GPSM1: variants seen among roughly 807,000 people sequenced by gnomAD.
GPSM1 encodes G protein-signaling modulator 1.
GPSM1 carries 48 observed loss-of-function variants against 70.5 expected under a neutral mutation model. The ratio of observed to expected loss-of-function variants is 0.68; its 90% CI spans 0.54 to 0.87. The LOEUF is 0.87. Among genes scored for constraint, GPSM1 ranks in the 40% least tolerant of loss-of-function variants. GPSM1 has a pLI of 0.00. For missense variants in GPSM1, 981 were observed against 972.6 expected, an observed-to-expected ratio of 1.01 and a Z score of -0.11; for synonymous variants, 416 against 430.1, an observed-to-expected ratio of 0.97 and a Z score of 0.41.
chr9:136,336,094 G>C lies in GPSM1; in HGVS notation c.419G>C (p.Gly140Ala). Residue 140 changes from glycine (G) to alanine (A), a missense_variant, in exon 3 of 14, where the codon GGA becomes GCA. Coordinates refer to ENST00000440944, the MANE Select transcript of GPSM1 (RefSeq NM_001145638.3). ...CATCTGAGCATCGCCCAAGAGCAGG[G>C]AGACAAGGTGGGGGCTTGGTCCGGG... is the stretch of plus-strand genomic sequence containing the variant. Reference protein sequence around the residue: ...QRHLSIAQEQGDKVGEARALY... With the variant: ...QRHLSIAQEQADKVGEARALY... 1 of 1,610,950 alleles carries C rather than the reference G, an allele frequency of 6.2e-7. No homozygotes were observed. Among genetic ancestry groups the C allele is most frequent in the Non-Finnish European group, 8.5e-7 (1 of 1,179,798 alleles).
At chr9:136,357,396 G>C (rs1832860541) in intron 13 of GPSM1, among the ~76,000 whole-genome samples, 1 of 152,218 alleles carries the variant, frequency 6.6e-6, no homozygotes, top group Non-Finnish European at 1.5e-5. Flanking sequence ...CCCCACCCAA[G>C]AGGCCCAGAG....
At chr9:136,331,364 G>C (rs1450014030) in intron 1 of GPSM1, among the ~76,000 whole-genome samples, 1 of 126,676 alleles carries the variant, frequency 7.9e-6, no homozygotes, top group South Asian at 2.6e-4. Context: ...AGGACTCTGA[G>C]CCCCCCCCCC....
In GPSM1 at chr9:136,337,028, G is replaced by A. The variant is rs540210417; in HGVS notation, c.534G>A (p.Pro178=). ...CCACGCAGGACCCCGGGCACCTGCC[G>A]CCCGATGTCCGAGAGACCCTGTGCA... ...ANATQDPGHL[P]PDVRETLCKA... Residue 178 remains proline (P), a synonymous_variant, in exon 4 of 14, where the codon CCG becomes CCA. Coordinates refer to ENST00000440944, the MANE Select transcript of GPSM1 (RefSeq NM_001145638.3). 19 of 1,551,752 alleles carry A rather than the reference G, an allele frequency of 1.2e-5. No individual in the cohort carries two copies. Among genetic ancestry groups the A allele is most frequent in the African/African-American group, 4.1e-5 (3 of 73,126 alleles).
intron 9 of GPSM1, among the ~76,000 whole-genome samples, chr9:136,347,423 TA>T (rs1423100922): frequency 2.6e-5 from 4 of 151,458 alleles, no homozygotes; most frequent in East Asian, 2.0e-4. Flanking sequence ...AGGGTGGGCA[TA>T]GGGGGGTGGG....
At chr9:136,328,484 C>T (rs1296642809) in intron 1 of GPSM1, among the ~76,000 whole-genome samples, 1 of 152,322 alleles carries the variant, frequency 6.6e-6, no homozygotes, top group Admixed American at 6.5e-5. Flanking sequence ...GGGTGGCAGC[C>T]GTCAGAGGCA....
chr9:136,332,541 G>C (rs782715157), intron 1 of GPSM1, among the ~76,000 whole-genome samples: 1 of 152,244 alleles, frequency 6.6e-6, no homozygotes, highest in Non-Finnish European at 1.5e-5. Flanking sequence ...CTGGAAGGAG[G>C]GGGCAGTAAA....
intron 1 of GPSM1, among the ~76,000 whole-genome samples, chr9:136,333,512 G>C (rs1192883053): frequency 6.6e-6 from 1 of 152,248 alleles, no homozygotes; most frequent in Admixed American, 6.5e-5. Flanking sequence ...GGTGGCAGCT[G>C]ACGCACAGGG....
At chr9:136,334,697 G>A in intron 2 of GPSM1, 29 bp downstream of exon 2, 1 of 1,573,488 alleles carries the variant, frequency 6.4e-7, no homozygotes, top group Non-Finnish European at 8.7e-7. Context: ...GCTGGCGGGT[G>A]AGTGGGGCGG....
At position 136,339,761 on chromosome 9, in the gene GPSM1, G is replaced by A; in HGVS notation, c.1029G>A (p.Gly343=). 1.3e-6 allele frequency: 2 copies of A among 1,550,232 alleles called. No homozygotes were observed. The highest frequency in any genetic ancestry group is 8.7e-7 in the Non-Finnish European group (1 of 1,146,734). The change falls in exon 8 of 14, where the codon GGG becomes GGA. Residue 343 remains glycine (G), a synonymous_variant. Coordinates refer to ENST00000440944, the MANE Select transcript of GPSM1 (RefSeq NM_001145638.3). The part of the protein sequence containing the change: ...WSLGNAYVSM[G]RPAQALTFAK... Reference sequence around the variant, plus strand: ...TGGGAAATGCCTACGTGTCCATGGGGCGCCCAGCGCAGGCCCTGACCTTCG... The same window carrying A: ...TGGGAAATGCCTACGTGTCCATGGGACGCCCAGCGCAGGCCCTGACCTTCG...
chr9:136,351,798 G>A (rs962349959), intron 11 of GPSM1, among the ~76,000 whole-genome samples: 10 of 152,370 alleles, frequency 6.6e-5, no homozygotes, highest in African/African-American at 1.4e-4. Context: ...CTGTGAGGAC[G>A]TGGCAGGGCC....
intron 11 of GPSM1, chr9:136,353,171 CTGGGGTCCT>C (rs1832718252): frequency 1.4e-5 from 13 of 944,402 alleles, no homozygotes; most frequent in East Asian, 1.1e-4. Flanking sequence ...TCTGGGGTCC[CTGGGGTCCT>C]AACAGGTGGA....
rs1832304137 is a variant in GPSM1, at chr9:136,338,458, G to A, written c.819-97G>A. 4 of 1,208,872 alleles carry A rather than the reference G, an allele frequency of 3.3e-6. No individual in the cohort carries two copies. The East Asian group carries it at 7.6e-5, about 23-fold the overall frequency. The allele number at this position is 1,208,872 out of a possible 1,614,324, so 74.9% of individuals were successfully genotyped here. A position where few individuals can be genotyped will look rare whatever the true frequency, so the allele number is the denominator to read the frequency against. ...CAGAGAGGCCCCAGTGGGATTCCGG[G>A]GCAGGGGACCATCGGGCAGACTGCG... On this transcript the variant is annotated intron_variant, in intron 6 of 13. Coordinates refer to ENST00000440944, the MANE Select transcript of GPSM1 (RefSeq NM_001145638.3).
At position 136,341,944 on chromosome 9, in the gene GPSM1, C is replaced by T. The variant is rs1832402113; in HGVS notation, c.1207+951C>T. On this transcript the variant is annotated intron_variant, in intron 9 of 13. Coordinates refer to ENST00000440944, the MANE Select transcript of GPSM1 (RefSeq NM_001145638.3). This position sits in a 1 kb window ranked among gnomAD's most constrained non-coding sequence, Gnocchi z 6.7. ...GGGATTATAGGCGTGAGCCACCGTG[C>T]CCAGCCATCCCCTGGGTTTTTGTGC... 4.1e-6 allele frequency: 1 copy of T among 240,974 alleles called. No individual in the cohort carries two copies. The highest frequency in any genetic ancestry group is 6.7e-6 in the Non-Finnish European group (1 of 149,092). The allele number at this position is 240,974 out of a possible 1,614,324, so 14.9% of individuals were successfully genotyped here. A position where few individuals can be genotyped will look rare whatever the true frequency, so the allele number is the denominator to read the frequency against.
At chr9:136,339,234 C>T (rs1832326737) in intron 7 of GPSM1, among the ~76,000 whole-genome samples, 1 of 152,388 alleles carries the variant, frequency 6.6e-6, no homozygotes, top group South Asian at 2.1e-4. Flanking sequence ...CATGAATGTA[C>T]AAAATGCCAG....
At position 136,337,572 on chromosome 9, in the gene GPSM1, G is replaced by C; in HGVS notation, c.702+8G>C. 3 of 1,554,738 alleles carry C rather than the reference G, an allele frequency of 1.9e-6. No homozygotes were observed. Among genetic ancestry groups the C allele is most frequent in the Middle Eastern group, 1.7e-4 (1 of 5,990 alleles). Reference sequence around the variant, plus strand: ...ACGACCTTCCACAAGGAGGTGAGCCGGGCAGGGTGACAGGGTGGAGGGGCC... The same window carrying C: ...ACGACCTTCCACAAGGAGGTGAGCCCGGCAGGGTGACAGGGTGGAGGGGCC... On this transcript the variant is annotated splice_region_variant and intron_variant, in intron 5 of 13. Coordinates refer to ENST00000440944, the MANE Select transcript of GPSM1 (RefSeq NM_001145638.3).
Position 136,356,236 on chromosome 9 carries a change from A to AGTGGG in GPSM1, c.1613-105_1613-101dup, listed in dbSNP as rs1452558055. The AGTGGG allele has an allele frequency of 9.2e-6, 8 of 872,300 alleles. No individual in the cohort carries two copies. In the East Asian group the frequency reaches 1.9e-4, roughly 21 times the overall value. 54.0% of individuals were successfully genotyped at this position (872,300 alleles called of 1,614,324 possible). A position where few individuals can be genotyped will look rare whatever the true frequency, so the allele number is the denominator to read the frequency against. On this transcript the variant is annotated intron_variant, in intron 12 of 13. Coordinates refer to ENST00000440944, the MANE Select transcript of GPSM1 (RefSeq NM_001145638.3). ...CCAGGAGCCATGGCCCCAGCAGCAC[A>AGTGGG]GTGGGCTGGGCTGGGCTCAGAGGTC...
intron 1 of GPSM1, among the ~76,000 whole-genome samples, chr9:136,331,072 C>A (rs533143420): frequency 2.0e-5 from 3 of 152,308 alleles, no homozygotes; most frequent in South Asian, 4.1e-4. Flanking sequence ...CCTGCCCCCC[C>A]AGTCCCCCGC....
chr9:136,334,963 T>C (rs2131395308), intron 2 of GPSM1, among the ~76,000 whole-genome samples: 1 of 152,236 alleles, frequency 6.6e-6, no homozygotes, highest in East Asian at 1.9e-4. Context: ...AAGCAGGGTC[T>C]AAGGGAACGC....
At chr9:136,346,746 T>A (rs1832532377) in intron 9 of GPSM1, among the ~76,000 whole-genome samples, 1 of 152,166 alleles carries the variant, frequency 6.6e-6, no homozygotes, top group Non-Finnish European at 1.5e-5. Flanking sequence ...GCCAGGCTCA[T>A]ATTTAAATCA....
Sources: allele counts gnomAD v4.1 joint callset (sites outside exome capture counted in the v4.1 genomes callset), GRCh38; gene constraint gnomAD v4.1.1; non-coding constraint Gnocchi (gnomAD v3.1); transcripts MANE v1.5; gene names NCBI Gene and HGNC (gene_info 2026-07-23, HGNC 2026-07-21).